Variants in MAP3K5 observed in about 807,000 individuals in gnomAD.
The protein encoded by MAP3K5 is ASK-1.
In MAP3K5, 56 loss-of-function variants were observed where a neutral mutation model predicts 158.7. The observed-to-expected ratio is 0.35, with a 90% CI of 0.28 to 0.44. The LOEUF (loss-of-function observed/expected upper bound fraction) is 0.44. MAP3K5 is among the 20% of genes least tolerant of loss of function. The pLI is 1.00. For synonymous variants in MAP3K5, 579 were observed against 601.7 expected, an observed-to-expected ratio of 0.96 and a Z score of 0.55; for missense variants, 1,294 against 1,674.8, an observed-to-expected ratio of 0.77 and a Z score of 3.97.
At chr6:136,677,187 G>C (rs112962610) in intron 7 of MAP3K5, among the ~76,000 whole-genome samples, 20,099 of 141,782 alleles carry the variant, frequency 0.14, 2,106 homozygotes, top group African/African-American at 0.29. Context: ...GCTCAGGCTG[G>C]AGTGTAGTGG....
At chr6:136,656,276 A>C in intron 10 of MAP3K5, 31 bp downstream of exon 10, 1 of 1,597,644 alleles carries the variant, frequency 6.3e-7, no homozygotes, top group Non-Finnish European at 8.6e-7. Context: ...AAATAAAGAA[A>C]TGTACTTAGA....
At chr6:136,691,126 T>C (rs1780367966) in intron 7 of MAP3K5, among the ~76,000 whole-genome samples, 1 of 152,178 alleles carries the variant, frequency 6.6e-6, no homozygotes, top group Admixed American at 6.5e-5. Context: ...AATTTTACTA[T>C]GATGTGCCAA....
chr6:136,602,383 G>A (rs1339422840), intron 19 of MAP3K5, among the ~76,000 whole-genome samples: 1 of 152,050 alleles, frequency 6.6e-6, no homozygotes, highest in Non-Finnish European at 1.5e-5. Flanking sequence ...GCTCACTGCA[G>A]TCTCGACCTC....
At chr6:136,558,757 C>A (rs1468610319) in intron 29 of MAP3K5, 43 bp downstream of exon 29, 1 of 1,245,222 alleles carries the variant, frequency 8.0e-7, no homozygotes, top group Admixed American at 1.7e-5. Flanking sequence ...TTGATATTTG[C>A]CTGGTGCTCT....
At chr6:136,626,445 G>A (rs1222939026) in intron 14 of MAP3K5, among the ~76,000 whole-genome samples, 2 of 152,200 alleles carry the variant, frequency 1.3e-5, no homozygotes, top group Admixed American at 1.3e-4. Flanking sequence ...TGATCAGAGT[G>A]ACCAGGTGAT....
chr6:136,729,862 G>C (rs1464993254), intron 1 of MAP3K5, among the ~76,000 whole-genome samples: 1 of 152,244 alleles, frequency 6.6e-6, no homozygotes, highest in Non-Finnish European at 1.5e-5. Context: ...AACTCAACAG[G>C]ATTCAGGGAC....
intron 2 of MAP3K5, among the ~76,000 whole-genome samples, chr6:136,717,177 T>G (rs1781566794): frequency 6.6e-6 from 1 of 152,092 alleles, no homozygotes; most frequent in South Asian, 2.1e-4. Context: ...ATACTAAAAT[T>G]TTTCATTCTT....
intron 1 of MAP3K5, among the ~76,000 whole-genome samples, chr6:136,765,889 A>G (rs1040756058): frequency 5.9e-5 from 9 of 152,090 alleles, no homozygotes; most frequent in Non-Finnish European, 1.3e-4. Context: ...AAGCAAGAAC[A>G]CAGAAATAGT....
At chr6:136,662,217 T>A (rs1355342260) in intron 8 of MAP3K5, among the ~76,000 whole-genome samples, 1 of 152,214 alleles carries the variant, frequency 6.6e-6, no homozygotes. Flanking sequence ...GCTGTACCAA[T>A]TTATACTTTC....
rs35799129 is a variant in MAP3K5, at chr6:136,585,469, T to TTTTCTTTTCTTTCTTTCTTTC, written c.3226-1730_3226-1729insGAAAGAAAGAAAGAAAAGAAA. On this transcript the variant is annotated intron_variant, in intron 23 of 29. Transcript: ENST00000359015. The stretch of plus-strand genomic sequence containing the variant: ...AAGGCATATTGCTTCCTTTCTTTTC[T>TTTTCTTTTCTTTCTTTCTTTC]TTTCTTTATTTATTTATTTATTTAT... Among the ~76,000 whole-genome samples, 104 of 131,518 alleles carry TTTTCTTTTCTTTCTTTCTTTC rather than the reference T, an allele frequency of 7.9e-4. 2 individuals carry two copies. Among genetic ancestry groups the TTTTCTTTTCTTTCTTTCTTTC allele is most frequent in the East Asian group, 6.3e-3 (25 of 3,950 alleles). 86.3% of individuals were successfully genotyped at this position (131,518 alleles called of 152,430 possible). A position where few individuals can be genotyped will look rare whatever the true frequency, so the allele number is the denominator to read the frequency against.
intron 1 of MAP3K5, among the ~76,000 whole-genome samples, chr6:136,721,824 C>G (rs556689243): frequency 3.3e-5 from 5 of 152,110 alleles, no homozygotes; most frequent in African/African-American, 1.2e-4. Flanking sequence ...TTGAGGCCAG[C>G]CTGGGCAACA....
At position 136,562,509 on chromosome 6, in the gene MAP3K5, G is replaced by T. The variant is rs768003846; in HGVS notation, c.3868C>A (p.Pro1290Thr). Residue 1290 changes from proline (P) to threonine (T), a missense_variant, in exon 27 of 30, where the codon CCC (proline) becomes ACC (threonine). Around this residue, in one of 5 missense-constraint regions of MAP3K5, gnomAD observed 199 missense variants for 220.3 expected, o/e 0.90. Coordinates refer to ENST00000359015, the MANE Select transcript of MAP3K5 (RefSeq NM_005923.4). The part of the protein sequence containing the change: ...EIKHLKLKSQ[P>T]IEIPELPVFH... The stretch of plus-strand genomic sequence containing the variant: ...AAAACTTTCTGCTATTCACCTATGG[G>T]TTGGGACTTAAGCTTCAGGTGTTTA... 3.2e-6 allele frequency: 5 copies of T among 1,570,914 alleles called. No individual in the cohort carries two copies. The highest frequency in any genetic ancestry group is 4.4e-6 in the Non-Finnish European group (5 of 1,148,478).
At chr6:136,761,939 G>C (rs1387584203) in intron 1 of MAP3K5, among the ~76,000 whole-genome samples, 1 of 152,164 alleles carries the variant, frequency 6.6e-6, no homozygotes, top group Non-Finnish European at 1.5e-5. Flanking sequence ...AACGCATTTG[G>C]GGAGGACTGG....
rs1430106621 is a variant in MAP3K5 at position 136,792,105 on chromosome 6, G to A, written c.53C>T (p.Pro18Leu). ...GITFSVPPFA[P>L]SGFCTIPEGG... is the part of the protein sequence containing the mutation. ...CTCGGGGATGGTGCAGAAGCCCGAG[G>A]GGGCGAAGGGTGGCACAGAGAAAGT... is the stretch of plus-strand genomic sequence containing the variant. Residue 18 changes from proline (P) to leucine (L), a missense_variant, in exon 1 of 30, where the codon CCC becomes CTC. Pro to Leu is a moderately conservative substitution (Grantham distance 98). Coordinates refer to ENST00000359015, the MANE Select transcript of MAP3K5 (RefSeq NM_005923.4). This position sits in a 1 kb window ranked among gnomAD's most constrained non-coding sequence, Gnocchi z 5.7. 1 of 1,586,532 alleles carries A rather than the reference G, an allele frequency of 6.3e-7. No individual in the cohort carries two copies. Among genetic ancestry groups the A allele is most frequent in the Admixed American group, 1.8e-5 (1 of 56,414 alleles).
At chr6:136,756,849 T>C (rs536176735) in intron 1 of MAP3K5, among the ~76,000 whole-genome samples, 2 of 152,326 alleles carry the variant, frequency 1.3e-5, no homozygotes, top group South Asian at 4.1e-4. Flanking sequence ...GCCCGGTGCA[T>C]GTGGATAAGG....
rs1327296059 is a variant in MAP3K5, at chr6:136,592,214, G to C, written c.3184C>G (p.Gln1062Glu). 4.4e-6 allele frequency: 7 copies of C among 1,604,866 alleles called. No homozygotes were observed. Among genetic ancestry groups the C allele is most frequent in the Non-Finnish European group, 6.0e-6 (7 of 1,176,438 alleles). ...ATLHRILTEDQDKIVRNLMES... is the reference protein window; with the variant it reads ...ATLHRILTEDEDKIVRNLMES... ...ATTAGGTTTCTCACAATTTTGTCTT[G>C]GTCTTCCGTCAGGATCCTGTGAAGG... The change falls in exon 23 of 30, where the codon CAA (glutamine) becomes GAA (glutamate). Residue 1062 changes from glutamine (Q) to glutamate (E), a missense_variant. Gln to Glu is a conservative substitution (Grantham distance 29). Transcript: ENST00000359015.
rs1180886489 is a variant in MAP3K5 at position 136,609,302 on chromosome 6, AT to A, written c.2521+1979del. Reference sequence around the variant, plus strand: ...GTCAGAATTTAGTTTTTTCAAAAAAATATATTCAAAATGTGTTTAATTCTGT... The same window carrying A: ...GTCAGAATTTAGTTTTTTCAAAAAAAATATTCAAAATGTGTTTAATTCTGT... On this transcript the variant is annotated intron_variant, in intron 18 of 29. Coordinates refer to ENST00000359015, the MANE Select transcript of MAP3K5 (RefSeq NM_005923.4). The surrounding 1 kb of genome is among the most constrained non-coding windows in gnomAD (Gnocchi z 4.4). Among the ~76,000 whole-genome samples the A allele has an allele frequency of 2.6e-5, 4 of 152,198 alleles. No homozygotes were observed. The highest frequency in any genetic ancestry group is 4.4e-5 in the Non-Finnish European group (3 of 68,028).
intron 14 of MAP3K5, among the ~76,000 whole-genome samples, chr6:136,634,001 T>C (rs1249207813): frequency 6.6e-6 from 1 of 152,234 alleles, no homozygotes; most frequent in Non-Finnish European, 1.5e-5. Context: ...GTTCAGATGA[T>C]CTCTAAAGTC....
intron 1 of MAP3K5, among the ~76,000 whole-genome samples, chr6:136,763,782 C>T (rs1783852689): frequency 6.6e-6 from 1 of 152,034 alleles, no homozygotes; most frequent in Non-Finnish European, 1.5e-5. Flanking sequence ...GGTGGGGCCT[C>T]TAGGAGGTGA....
Sources: allele counts gnomAD v4.1 joint callset (sites outside exome capture counted in the v4.1 genomes callset), GRCh38; gene constraint gnomAD v4.1.1; regional missense constraint gnomAD v4.1.1; non-coding constraint Gnocchi (gnomAD v3.1); transcripts MANE v1.5; gene names NCBI Gene and HGNC (gene_info 2026-07-23, HGNC 2026-07-21).